ZBTB20: variants seen among roughly 807,000 people sequenced by gnomAD.
ZBTB20 encodes zinc finger and BTB domain containing 20, also known as zinc finger and BTB domain-containing protein 20.
Under a neutral mutation model 56.9 loss-of-function variants are expected in ZBTB20, and 9 were observed. That is an observed-to-expected ratio of 0.16 (90% CI 0.10 to 0.28). ZBTB20 has a LOEUF of 0.28. Among genes scored for constraint, ZBTB20 ranks in the 10% least tolerant of loss-of-function variants. The pLI is 1.00. For synonymous variants in ZBTB20, 417 were observed against 420.7 expected (o/e 0.99, Z 0.11); for missense variants, 655 against 1,003.0 (o/e 0.65, Z 4.69).
chr3:114,391,498 T>C (rs1357158994), intron 7 of ZBTB20, among the ~76,000 whole-genome samples: 1 of 152,210 alleles, frequency 6.6e-6, no homozygotes, highest in African/African-American at 2.4e-5. Flanking sequence ...TTCTTAAATA[T>C]TATTAGCACA....
chr3:114,920,075 TA>T (rs2075899004), intron 3 of ZBTB20, among the ~76,000 whole-genome samples: 2 of 152,138 alleles, frequency 1.3e-5, no homozygotes, highest in Non-Finnish European at 1.5e-5. Flanking sequence ...TAAGAGGATA[TA>T]AAAAATTGCA....
chr3:114,938,603 A>T (rs181770759), intron 3 of ZBTB20, among the ~76,000 whole-genome samples: 1 of 145,922 alleles, frequency 6.9e-6, no homozygotes, highest in African/African-American at 2.8e-5. Flanking sequence ...GTTCGCACTC[A>T]TAAGTGGGAG....
intron 4 of ZBTB20, among the ~76,000 whole-genome samples, chr3:114,831,746 C>T (rs2108960300): frequency 6.6e-6 from 1 of 152,092 alleles, no homozygotes; most frequent in South Asian, 2.1e-4. Flanking sequence ...AGAAAAGGCA[C>T]TTGACTGGAG....
At chr3:114,371,953 G>C (rs1317418989) in intron 10 of ZBTB20, among the ~76,000 whole-genome samples, 1 of 151,636 alleles carries the variant, frequency 6.6e-6, no homozygotes, top group Non-Finnish European at 1.5e-5. Context: ...TTCTGCTGAT[G>C]AAGTAATAAG....
At position 114,322,574 on chromosome 3, in the gene ZBTB20, T is replaced by G. The variant is rs2078932602; in HGVS notation, c.*16431A>C. On this transcript the variant is annotated 3_prime_UTR_variant, in exon 12 of 12. Coordinates refer to ENST00000675478, the MANE Select transcript of ZBTB20 (RefSeq NM_001348800.3). ...CTCAAGAGAAGTATCCTAGGACAGT[T>G]AATGTGAATATATTTTAAAAAGTCA... The G allele has an allele frequency of 6.6e-6, 1 of 152,224 alleles. No individual in the cohort carries two copies. 9.4% of individuals were successfully genotyped at this position (152,224 alleles called of 1,614,324 possible). A position where few individuals can be genotyped will look rare whatever the true frequency, so the allele number is the denominator to read the frequency against.
rs143681014 is a variant in ZBTB20, at chr3:114,421,229, A to G, written c.-254-32124T>C. Among the ~76,000 whole-genome samples, 429 of 152,226 alleles carry G rather than the reference A, an allele frequency of 2.8e-3. 3 individuals carry two copies. The highest frequency in any genetic ancestry group is 9.9e-3 in the African/African-American group (410 of 41,532). Reference sequence around the variant, plus strand: ...CCAAATGGTAAAGTTCTCACTTTAAAGCCCAGCAAGACAAGATGAGCTCTG... The same window carrying G: ...CCAAATGGTAAAGTTCTCACTTTAAGGCCCAGCAAGACAAGATGAGCTCTG... On this transcript the variant is annotated intron_variant, in intron 7 of 11. Coordinates refer to ENST00000675478, the MANE Select transcript of ZBTB20 (RefSeq NM_001348800.3).
At chr3:114,999,551 C>T (rs1021970349) in intron 2 of ZBTB20, among the ~76,000 whole-genome samples, 9 of 151,306 alleles carry the variant, frequency 5.9e-5, no homozygotes, top group Admixed American at 5.9e-4. Context: ...AAGGAATTTC[C>T]TCAAATATTT....
chr3:114,835,383 T>A (rs566746729), intron 4 of ZBTB20, among the ~76,000 whole-genome samples: 1 of 152,170 alleles, frequency 6.6e-6, no homozygotes, highest in Non-Finnish European at 1.5e-5. Context: ...TCAAAAAAGT[T>A]GTTTTTTTAA....
chr3:114,756,463 A>C lies in ZBTB20; in HGVS notation c.-343+44638T>G, dbSNP rs540650581. Among the ~76,000 whole-genome samples the C allele has an allele frequency of 2.1e-3, 314 of 152,318 alleles. 1 individual carries two copies. Among genetic ancestry groups the C allele is most frequent in the African/African-American group, 7.1e-3 (294 of 41,586 alleles). On this transcript the variant is annotated intron_variant, in intron 5 of 11. Coordinates refer to ENST00000675478, the MANE Select transcript of ZBTB20 (RefSeq NM_001348800.3). Reference sequence around the variant, plus strand: ...GTTCAGTCTTTCGATTACACACACAAAAAAGTTTTGGCTTAATCAGCCTAA... The same window carrying C: ...GTTCAGTCTTTCGATTACACACACACAAAAGTTTTGGCTTAATCAGCCTAA...
intron 2 of ZBTB20, among the ~76,000 whole-genome samples, chr3:115,054,016 A>G (rs1439511567): frequency 6.6e-6 from 1 of 152,130 alleles, no homozygotes; most frequent in Non-Finnish European, 1.5e-5. Context: ...TTACTCTGTA[A>G]GCATAATCAT....
intron 4 of ZBTB20, among the ~76,000 whole-genome samples, chr3:114,870,474 C>T (rs536938800): frequency 1.6e-4 from 24 of 150,440 alleles, no homozygotes; most frequent in Non-Finnish European, 2.8e-4. Flanking sequence ...ATACTTAATA[C>T]GAAGAACAAG....
At chr3:114,985,435 A>T (rs538762313) in intron 2 of ZBTB20, among the ~76,000 whole-genome samples, 1 of 152,212 alleles carries the variant, frequency 6.6e-6, no homozygotes, top group East Asian at 1.9e-4. Context: ...ATTTTGAAAA[A>T]GTTCTAAACA....
chr3:115,090,237 C>A lies in ZBTB20; in HGVS notation c.-702-18823G>T, dbSNP rs1421981379. The stretch of plus-strand genomic sequence containing the variant: ...AACTCAGGATGCCTGAGTTCCATTC[C>A]ATACCCATTAATAATGGAGCTCAGA... On this transcript the variant is annotated intron_variant, in intron 1 of 11. Transcript: ENST00000675478. Among the ~76,000 whole-genome samples, 4 of 151,688 alleles carry A rather than the reference C, an allele frequency of 2.6e-5. No individual in the cohort carries two copies. The East Asian group carries it at 5.8e-4, about 22-fold the overall frequency.
At chr3:114,987,840 T>C (rs2078612047) in intron 2 of ZBTB20, among the ~76,000 whole-genome samples, 1 of 152,088 alleles carries the variant, frequency 6.6e-6, no homozygotes, top group African/African-American at 2.4e-5. Context: ...TTTAGCTACA[T>C]GTAGAAGTCA....
At chr3:114,884,814 G>C (rs1322281063) in intron 4 of ZBTB20, among the ~76,000 whole-genome samples, 2 of 152,106 alleles carry the variant, frequency 1.3e-5, no homozygotes, top group Non-Finnish European at 2.9e-5. Context: ...CAGAAAAGGA[G>C]GAAAAGGGCT....
intron 2 of ZBTB20, among the ~76,000 whole-genome samples, chr3:115,060,631 T>C (rs1181705019): frequency 6.6e-6 from 1 of 152,198 alleles, no homozygotes; most frequent in African/African-American, 2.4e-5. Flanking sequence ...TTGTATTTAG[T>C]AGGCTATTCA....
chr3:115,127,400 A>C (rs1215369695), intron 1 of ZBTB20, among the ~76,000 whole-genome samples: 2 of 152,068 alleles, frequency 1.3e-5, no homozygotes, highest in Non-Finnish European at 2.9e-5. Flanking sequence ...GAACATCCTG[A>C]CCAACATGAC....
At chr3:114,870,367 G>T (rs2075950930) in intron 4 of ZBTB20, among the ~76,000 whole-genome samples, 2 of 150,094 alleles carry the variant, frequency 1.3e-5, no homozygotes, top group African/African-American at 2.5e-5. Flanking sequence ...TAGGTGAAAT[G>T]CACAAGAAAT....
intron 5 of ZBTB20, among the ~76,000 whole-genome samples, chr3:114,751,485 T>C (rs1229205180): frequency 6.6e-6 from 1 of 152,168 alleles, no homozygotes; most frequent in Non-Finnish European, 1.5e-5. Context: ...TCACCTACTA[T>C]GTGGCACCTG....
Sources: gnomAD v4.1 joint callset for allele counts (sites outside exome capture counted in the v4.1 genomes callset) on GRCh38, gnomAD v4.1.1 for gene constraint, MANE v1.5 for transcripts, NCBI Gene and HGNC (gene_info 2026-07-23, HGNC 2026-07-21) for gene names.